The following MYO3B variants were observed in gnomAD, a reference collection of about 807,000 sequenced individuals.
MYO3B encodes the protein myosin IIIB.
A neutral mutation model predicts 174.6 loss-of-function variants in MYO3B; 156 were observed. The ratio of observed to expected loss-of-function variants is 0.89; its 90% CI spans 0.78 to 1.02. The LOEUF is 1.02. Ranked by LOEUF, MYO3B falls within the 50% of genes least tolerant of loss-of-function variation. The pLI is 0.00. For synonymous variants in MYO3B, 563 were observed against 569.1 expected, an observed-to-expected ratio of 0.99 and a Z score of 0.15; for missense variants, 1,632 against 1,639.4, an observed-to-expected ratio of 1.00 and a Z score of 0.08.
intron 32 of MYO3B, among the ~76,000 whole-genome samples, chr2:170,571,449 A>G (rs1435172164): frequency 6.6e-6 from 1 of 151,990 alleles, no homozygotes; most frequent in Admixed American, 6.6e-5. Context: ...GCAGGAGATG[A>G]GCTGGAGAGA....
chr2:170,515,542 G>C (rs1257689444), intron 29 of MYO3B, among the ~76,000 whole-genome samples: 8 of 152,056 alleles, frequency 5.3e-5, no homozygotes, highest in Non-Finnish European at 1.0e-4. Flanking sequence ...ATATCCCTAA[G>C]CTCCAGTCAC....
intron 32 of MYO3B, among the ~76,000 whole-genome samples, chr2:170,584,818 T>C (rs1210599004): frequency 1.3e-5 from 2 of 152,274 alleles, no homozygotes; most frequent in African/African-American, 2.4e-5. Context: ...TTAGGCTGTC[T>C]GCCTTTGATT....
Position 170,564,398 on chromosome 2 carries a change from A to G in MYO3B, c.3733+20410A>G, listed in dbSNP as rs149278919. ...TGAGGCAGGAGAAGCACTTGAACCC[A>G]GGAGATGGAGGTGGCAGTGGGCTGA... On this transcript the variant is annotated intron_variant, in intron 32 of 34. Transcript: ENST00000408978. Among the ~76,000 whole-genome samples, 18 of 152,316 alleles carry G rather than the reference A, an allele frequency of 1.2e-4. No individual in the cohort carries two copies. The East Asian group carries it at 2.9e-3, about 25-fold the overall frequency.
chr2:170,299,144 C>T (rs1342961716), intron 7 of MYO3B, among the ~76,000 whole-genome samples: 1 of 152,164 alleles, frequency 6.6e-6, no homozygotes, highest in Admixed American at 6.5e-5. Flanking sequence ...TTTGGAACAA[C>T]ACTACTATTT....
At chr2:170,234,184 AAAAC>A (rs1559321983) in intron 6 of MYO3B, among the ~76,000 whole-genome samples, 2,206 of 115,624 alleles carry the variant, frequency 0.019, 179 homozygotes, top group African/African-American at 0.089. Context: ...AAAAAAAAAA[AAAAC>A]AAAACAAAAC....
At chr2:170,277,759 A>C (rs758765393) in intron 7 of MYO3B, among the ~76,000 whole-genome samples, 1 of 152,182 alleles carries the variant, frequency 6.6e-6, no homozygotes, top group African/African-American at 2.4e-5. Flanking sequence ...CAATCTGTTG[A>C]AATCCTACCC....
chr2:170,489,634 G>GGTGTGTGTGTGTGTGTGTGTGTGT (rs369174830), intron 25 of MYO3B, among the ~76,000 whole-genome samples: 314 of 139,388 alleles, frequency 2.3e-3, no homozygotes, highest in Non-Finnish European at 2.8e-3. Flanking sequence ...AACCAGTAGG[G>GGTGTGTGTGTGTGTGTGTGTGTGT]GTGTGTGTGT....
chr2:170,601,857 A>T, intron 32 of MYO3B: 1 of 899,748 alleles, frequency 1.1e-6, no homozygotes, highest in Non-Finnish European at 1.8e-6. Context: ...TCTTTGCAAC[A>T]TCGCTAATAG....
intron 28 of MYO3B, among the ~76,000 whole-genome samples, chr2:170,511,060 TG>T (rs1410688555): frequency 3.3e-5 from 5 of 151,268 alleles, no homozygotes; most frequent in East Asian, 1.9e-4. Flanking sequence ...ATTTTCCTTT[TG>T]TTTTTTTTTT....
rs183073823 is a variant in MYO3B, at chr2:170,483,637, C to T, written c.3015-14955C>T. Among the ~76,000 whole-genome samples the T allele has an allele frequency of 5.1e-4, 64 of 125,984 alleles. 2 individuals carry two copies. The highest frequency in any genetic ancestry group is 3.8e-3 in the Middle Eastern group (1 of 264). The allele number at this position is 125,984 out of a possible 152,430, so 82.7% of individuals were successfully genotyped here. A position where few individuals can be genotyped will look rare whatever the true frequency, so the allele number is the denominator to read the frequency against. ...TCCTGACCTCGTGATCCGCCTGCCT[C>T]GGCCTCCCAAGGATTCTTTAAAACA... On this transcript the variant is annotated intron_variant, in intron 25 of 34. Coordinates refer to ENST00000408978, the MANE Select transcript of MYO3B (RefSeq NM_138995.5).
intron 3 of MYO3B, among the ~76,000 whole-genome samples, chr2:170,207,621 T>C (rs1257520043): frequency 6.7e-6 from 1 of 148,860 alleles, no homozygotes; most frequent in Non-Finnish European, 1.5e-5. Context: ...GAGTGTCCCA[T>C]AGTACAGAGA....
chr2:170,303,175 GTTTT>G (rs1269406648), intron 7 of MYO3B, among the ~76,000 whole-genome samples: 1 of 151,954 alleles, frequency 6.6e-6, no homozygotes, highest in Admixed American at 6.6e-5. Flanking sequence ...ATGGAAAACT[GTTTT>G]TTTAAGTTTT....
chr2:170,413,825 G>T (rs558101849), intron 22 of MYO3B, among the ~76,000 whole-genome samples: 1 of 152,026 alleles, frequency 6.6e-6, no homozygotes. Context: ...GGATCACGAG[G>T]TCAGGAGATC....
intron 25 of MYO3B, among the ~76,000 whole-genome samples, chr2:170,469,634 T>TA (rs1162935160): frequency 1.3e-5 from 2 of 152,166 alleles, no homozygotes; most frequent in Non-Finnish European, 2.9e-5. Flanking sequence ...TGACTTCTCC[T>TA]CACTTCCTTT....
intron 16 of MYO3B, among the ~76,000 whole-genome samples, chr2:170,395,978 G>A (rs2094440434): frequency 6.6e-6 from 1 of 152,206 alleles, no homozygotes; most frequent in African/African-American, 2.4e-5. Flanking sequence ...GAAAAGAGAA[G>A]AAAATATCAG....
At chr2:170,297,092 G>T (rs1574738083) in intron 7 of MYO3B, among the ~76,000 whole-genome samples, 1 of 152,110 alleles carries the variant, frequency 6.6e-6, no homozygotes, top group Non-Finnish European at 1.5e-5. Context: ...ATTGAATAAG[G>T]TTATGAATAG....
chr2:170,407,059 T>C (rs1417094698), intron 21 of MYO3B, among the ~76,000 whole-genome samples: 1 of 152,178 alleles, frequency 6.6e-6, no homozygotes, highest in African/African-American at 2.4e-5. Flanking sequence ...ACCAGTAAAA[T>C]GGAGATAATA....
intron 34 of MYO3B, 30 bp from the exon 35 acceptor site, chr2:170,652,953 T>C (rs1264772106): frequency 3.7e-6 from 6 of 1,611,754 alleles, no homozygotes; most frequent in Non-Finnish European, 4.2e-6. Context: ...TTATTTTTTG[T>C]TGAAAATCCT....
At chr2:170,426,893 C>T (rs1457331571) in intron 22 of MYO3B, among the ~76,000 whole-genome samples, 1 of 152,086 alleles carries the variant, frequency 6.6e-6, no homozygotes, top group Non-Finnish European at 1.5e-5. Context: ...GTGGCATGCG[C>T]CTGTAATCCC....
Sources: allele counts gnomAD v4.1 joint callset (sites outside exome capture counted in the v4.1 genomes callset), GRCh38; gene constraint gnomAD v4.1.1; transcripts MANE v1.5; gene names NCBI Gene and HGNC (gene_info 2026-07-23, HGNC 2026-07-21).